The following SPATA13 variants were observed in gnomAD, a reference collection of about 807,000 sequenced individuals.
SPATA13 encodes the protein spermatogenesis-associated protein 13.
In SPATA13, 50 loss-of-function variants were observed where a neutral mutation model predicts 104.0. The ratio of observed to expected loss-of-function variants is 0.48; its 90% CI spans 0.38 to 0.61. SPATA13 has a LOEUF of 0.61. Ranked by LOEUF, SPATA13 falls within the 20% of genes least tolerant of loss-of-function variation. The probability of loss-of-function intolerance (pLI) is 0.00; values close to 1 mark genes in which losing one functional copy is unlikely to be tolerated. For synonymous variants in SPATA13, 606 were observed against 667.5 expected, an observed-to-expected ratio of 0.91 and a Z score of 1.42; for missense variants, 1,524 against 1,690.6, an observed-to-expected ratio of 0.90 and a Z score of 1.73.
At chr13:24,083,468 C>G (rs1306569597) in intron 3 of SPATA13, among the ~76,000 whole-genome samples, 1 of 152,296 alleles carries the variant, frequency 6.6e-6, no homozygotes, top group East Asian at 1.9e-4. Context: ...CCACATTAAC[C>G]AGGAACTTGA....
intron 3 of SPATA13, among the ~76,000 whole-genome samples, chr13:24,055,122 A>G (rs924898381): frequency 6.6e-6 from 1 of 152,222 alleles, no homozygotes; most frequent in Non-Finnish European, 1.5e-5. Context: ...CGCTTTACAT[A>G]TATGGCACAG....
intron 1 of SPATA13, among the ~76,000 whole-genome samples, chr13:23,982,307 GAAACCTCTTTGA>G (rs1324913559): frequency 6.6e-6 from 1 of 152,188 alleles, no homozygotes; most frequent in Non-Finnish European, 1.5e-5. Context: ...TGCAGCCTGG[GAAACCTCTTTGA>G]ACTAATTTTA....
intron 3 of SPATA13, among the ~76,000 whole-genome samples, chr13:24,106,854 GAA>G (rs1880470351): frequency 6.6e-6 from 1 of 152,184 alleles, no homozygotes; most frequent in Admixed American, 6.5e-5. Context: ...TAAGTTCACT[GAA>G]GATTCTAGAT....
chr13:23,984,910 C>T (rs1404805209), intron 2 of SPATA13, among the ~76,000 whole-genome samples: 2 of 152,226 alleles, frequency 1.3e-5, no homozygotes, highest in Admixed American at 6.5e-5. Flanking sequence ...TGGTCTGTTT[C>T]TCCTTATTTG....
intron 3 of SPATA13, among the ~76,000 whole-genome samples, chr13:24,089,766 T>A (rs1160674228): frequency 6.6e-6 from 1 of 152,228 alleles, no homozygotes; most frequent in Non-Finnish European, 1.5e-5. Flanking sequence ...ATCCACAGAC[T>A]GAGGGGGTAA....
intron 3 of SPATA13, among the ~76,000 whole-genome samples, chr13:24,155,298 G>C (rs114937705): frequency 3.3e-5 from 5 of 152,150 alleles, no homozygotes; most frequent in African/African-American, 1.2e-4. Flanking sequence ...GATCTGTCAC[G>C]GAAGAACTTT....
chr13:24,052,886 G>A (rs1566086786), intron 3 of SPATA13, among the ~76,000 whole-genome samples: 1 of 44,968 alleles, frequency 2.2e-5, no homozygotes, highest in Admixed American at 3.2e-4. Flanking sequence ...CATGTCTCAT[G>A]CTTTCTGTGG....
intron 3 of SPATA13, chr13:24,122,803 G>A (rs189692936): frequency 3.3e-5 from 26 of 777,860 alleles, no homozygotes; most frequent in Middle Eastern, 3.6e-4. Context: ...GGAGACTCTC[G>A]TTGTCATGTC....
chr13:24,258,836 C>T (rs1214759105), intron 4 of SPATA13, among the ~76,000 whole-genome samples: 1 of 152,228 alleles, frequency 6.6e-6, no homozygotes, highest in Non-Finnish European at 1.5e-5. Flanking sequence ...CTAAACAGAA[C>T]ACTTTCTACC....
At chr13:24,100,013 G>A (rs1246148007) in intron 3 of SPATA13, among the ~76,000 whole-genome samples, 3 of 152,064 alleles carry the variant, frequency 2.0e-5, no homozygotes, top group African/African-American at 7.2e-5. Flanking sequence ...TGGTGTGGCC[G>A]GCACAGTTCT....
At chr13:24,077,626 T>A (rs9551054) in intron 3 of SPATA13, among the ~76,000 whole-genome samples, 32,695 of 149,064 alleles carry the variant, frequency 0.22, 3,717 homozygotes, top group South Asian at 0.4. Context: ...AAATAAAATT[T>A]AAAAAAAAAA....
At chr13:24,139,811 T>G (rs1318068723) in intron 3 of SPATA13, among the ~76,000 whole-genome samples, 2 of 152,196 alleles carry the variant, frequency 1.3e-5, no homozygotes, top group Non-Finnish European at 2.9e-5. Flanking sequence ...CTCACGTCTG[T>G]AATCCCAGCA....
chr13:24,275,219 G>A (rs1474652914), intron 4 of SPATA13, among the ~76,000 whole-genome samples: 1 of 152,176 alleles, frequency 6.6e-6, no homozygotes, highest in Non-Finnish European at 1.5e-5. Context: ...CTGCAGCCAG[G>A]AGGAAAGCAG....
At position 24,023,434 on chromosome 13, in the gene SPATA13, G is replaced by A. The variant is rs571930035; in HGVS notation, c.-112+5733G>A. On this transcript the variant is annotated intron_variant, in intron 3 of 14. Transcript: ENST00000424834. ...CTTCTAATTTCAATAGAAAAGTAGG[G>A]AATAATGCAGGTTGTTTCATAGTGT... 1.8e-4 allele frequency among the ~76,000 whole-genome samples: 27 copies of A among 152,242 alleles called. No homozygotes were observed. In the South Asian group the frequency reaches 5.6e-3, roughly 32 times the overall value.
At position 24,113,384 on chromosome 13, in the gene SPATA13, CTT is replaced by C. The variant is rs1469576091; in HGVS notation, c.-112+95684_-112+95685del. Among the ~76,000 whole-genome samples, 14 of 152,170 alleles carry C rather than the reference CTT, an allele frequency of 9.2e-5. No individual in the cohort carries two copies. The East Asian group carries it at 2.7e-3, about 30-fold the overall frequency. ...TTGGGAGGCCAAGGCGGGTGGATCA[CTT>C]GAGGTCAGGAGTTCAAGACCAGCCT... On this transcript the variant is annotated intron_variant, in intron 3 of 14. Coordinates refer to the SPATA13 transcript ENST00000424834.
chr13:24,040,815 C>G (rs1877896112), intron 3 of SPATA13, among the ~76,000 whole-genome samples: 1 of 152,124 alleles, frequency 6.6e-6, no homozygotes, highest in African/African-American at 2.4e-5. Flanking sequence ...TGCTGTCGTT[C>G]CTTTATAAAA....
chr13:24,160,503 A>G (rs1014670818), upstream of SPATA13, among the ~76,000 whole-genome samples: 10 of 152,104 alleles, frequency 6.6e-5, no homozygotes, highest in Non-Finnish European at 1.3e-4. Flanking sequence ...CTCGGCCTCC[A>G]AAAGTGCTAG....
chr13:24,292,768 C>A (rs114189516), intron 9 of SPATA13, among the ~76,000 whole-genome samples: 1 of 151,904 alleles, frequency 6.6e-6, no homozygotes, highest in South Asian at 2.1e-4. Context: ...GAGGCCGAAA[C>A]GGGTGGATCA....
rs1292182707 is a variant in SPATA13, at chr13:24,170,841, C to T, written c.-112+9909C>T. Reference sequence around the variant, plus strand: ...TAGTCATTGAGAGACAATTTACAAACAACAGCAACTCCGAAAAGTATAGGT... The same window carrying T: ...TAGTCATTGAGAGACAATTTACAAATAACAGCAACTCCGAAAAGTATAGGT... On this transcript the variant is annotated intron_variant, in intron 1 of 12. Coordinates refer to ENST00000382108, the MANE Select transcript of SPATA13 (RefSeq NM_001166271.3). Among the ~76,000 whole-genome samples the T allele has an allele frequency of 3.3e-5, 5 of 152,018 alleles. No homozygotes were observed. The East Asian group carries it at 9.7e-4, about 30-fold the overall frequency.
Sources: gnomAD v4.1 joint callset for allele counts (sites outside exome capture counted in the v4.1 genomes callset) on GRCh38, gnomAD v4.1.1 for gene constraint, MANE v1.5 for transcripts, NCBI Gene and HGNC (gene_info 2026-07-23, HGNC 2026-07-21) for gene names.